Variants in TMTC2 observed in about 807,000 individuals in gnomAD.
TMTC2 encodes protein O-mannosyl-transferase TMTC2.
A neutral mutation model predicts 82.4 loss-of-function variants in TMTC2; 43 were observed. The observed-to-expected ratio is 0.52, with a 90% confidence interval of 0.41 to 0.67. The LOEUF (loss-of-function observed/expected upper bound fraction) is 0.67. Ranked by LOEUF, TMTC2 falls within the 30% of genes least tolerant of loss-of-function variation. The pLI, the probability that TMTC2 is intolerant of heterozygous loss-of-function variation, is 0.00. For synonymous variants in TMTC2, 408 were observed against 381.9 expected, an observed-to-expected ratio of 1.07 and a Z score of -0.80; for missense variants, 919 against 1,012.4, an observed-to-expected ratio of 0.91 and a Z score of 1.25.
chr12:82,967,262 T>G (rs1878253765), intron 7 of TMTC2, among the ~76,000 whole-genome samples: 1 of 152,116 alleles, frequency 6.6e-6, no homozygotes, highest in African/African-American at 2.4e-5. Flanking sequence ...GTATGGAATA[T>G]TAGCTAGACT....
chr12:82,838,031 C>T (rs142567101), intron 1 of TMTC2, among the ~76,000 whole-genome samples: 3 of 152,288 alleles, frequency 2.0e-5, no homozygotes, highest in African/African-American at 7.2e-5. Context: ...TGTGAGAACA[C>T]ATAATGTATA....
At position 83,037,289 on chromosome 12, in the gene TMTC2, T is replaced by C. The variant is rs536334344; in HGVS notation, c.2152+6410T>C. Reference sequence around the variant, plus strand: ...AATTGGTGAGTGGCCTGTATTATTTTTTATTATTCATAACTAAAGCTACTT... The same window carrying C: ...AATTGGTGAGTGGCCTGTATTATTTCTTATTATTCATAACTAAAGCTACTT... On this transcript the variant is annotated intron_variant, in intron 9 of 11. Coordinates refer to ENST00000321196, the MANE Select transcript of TMTC2 (RefSeq NM_152588.3). Among the ~76,000 whole-genome samples, 6 of 152,330 alleles carry C rather than the reference T, an allele frequency of 3.9e-5. No individual in the cohort carries two copies. The East Asian group carries it at 1.2e-3, about 29-fold the overall frequency.
chr12:82,957,158 A>G (rs971124558), intron 4 of TMTC2, among the ~76,000 whole-genome samples: 13 of 152,236 alleles, frequency 8.5e-5, no homozygotes, highest in Admixed American at 4.6e-4. Context: ...TAAATTAAAA[A>G]CAAAACTGAA....
chr12:82,742,958 G>A (rs916228024), intron 1 of TMTC2, among the ~76,000 whole-genome samples: 2 of 152,154 alleles, frequency 1.3e-5, no homozygotes, highest in African/African-American at 4.8e-5. Flanking sequence ...TTTCTACGTA[G>A]ACAGTTGCCT....
At chr12:82,809,553 ATATAAG>A (rs1203932741) in intron 1 of TMTC2, among the ~76,000 whole-genome samples, 3 of 152,298 alleles carry the variant, frequency 2.0e-5, no homozygotes, top group East Asian at 1.9e-4. Flanking sequence ...AACATACAGT[ATATAAG>A]TATGTCTACA....
intron 1 of TMTC2, among the ~76,000 whole-genome samples, chr12:82,754,246 A>G (rs1415381005): frequency 2.6e-5 from 4 of 152,206 alleles, no homozygotes; most frequent in Non-Finnish European, 4.4e-5. Flanking sequence ...TTTCATATCA[A>G]TAGTTTAATT....
intron 11 of TMTC2, among the ~76,000 whole-genome samples, chr12:83,131,942 C>T (rs1885266844): frequency 6.6e-6 from 1 of 152,094 alleles, no homozygotes; most frequent in South Asian, 2.1e-4. Flanking sequence ...TTTAGATCTT[C>T]ATATGTTACC....
chr12:82,693,968 CAAAAAAAAAAAA>C lies in TMTC2; in HGVS notation c.83+6311_83+6322del, dbSNP rs1005660355. Among the ~76,000 whole-genome samples the C allele has an allele frequency of 9.6e-5, 4 of 41,454 alleles. No homozygotes were observed. In the East Asian group the frequency reaches 2.9e-3, roughly 30 times the overall value. 27.2% of individuals were successfully genotyped at this position (41,454 alleles called of 152,430 possible). A position where few individuals can be genotyped will look rare whatever the true frequency, so the allele number is the denominator to read the frequency against. Reference sequence around the variant, plus strand: ...GGTCAACAAGAGTGAAACTCCATCTCAAAAAAAAAAAAAAAAAAAAAAAGGTGTAAATGTTTG... The same window carrying C: ...GGTCAACAAGAGTGAAACTCCATCTCAAAAAAAAAAAGGTGTAAATGTTTG... On this transcript the variant is annotated intron_variant, in intron 1 of 11. Transcript: ENST00000321196.
intron 9 of TMTC2, among the ~76,000 whole-genome samples, chr12:83,033,488 C>A (rs1249772232): frequency 6.6e-6 from 1 of 152,150 alleles, no homozygotes; most frequent in South Asian, 2.1e-4. Context: ...CACGGCGGCT[C>A]ACGCCTGCAA....
chr12:82,752,409 T>C (rs189774991), intron 1 of TMTC2, among the ~76,000 whole-genome samples: 1 of 151,880 alleles, frequency 6.6e-6, no homozygotes, highest in Admixed American at 6.6e-5. Flanking sequence ...TCACTTGAAC[T>C]TGGGAGGCAG....
At chr12:82,973,205 G>C (rs79855217) in intron 7 of TMTC2, among the ~76,000 whole-genome samples, 375 of 152,176 alleles carry the variant, frequency 2.5e-3, no homozygotes, top group Admixed American at 3.9e-3. Flanking sequence ...TGGCACTCTT[G>C]AAAATCAATG....
chr12:82,746,262 C>T (rs1875685070), intron 1 of TMTC2, among the ~76,000 whole-genome samples: 1 of 152,172 alleles, frequency 6.6e-6, no homozygotes, highest in African/African-American at 2.4e-5. Flanking sequence ...TGTATTGAGA[C>T]AACTAACATC....
intron 9 of TMTC2, among the ~76,000 whole-genome samples, chr12:83,047,662 A>G (rs528159753): frequency 3.9e-5 from 6 of 152,344 alleles, no homozygotes; most frequent in African/African-American, 1.4e-4. Flanking sequence ...AATATGGTGA[A>G]TGAATTTTGC....
rs1874093648 is a variant in TMTC2, at chr12:82,719,530, T to C, written c.83+31861T>C. 2.6e-5 allele frequency among the ~76,000 whole-genome samples: 4 copies of C among 152,332 alleles called. No individual in the cohort carries two copies. In the South Asian group the frequency reaches 8.3e-4, roughly 32 times the overall value. ...ATGGTAGACTCTTGGGAAATAGTTA[T>C]TAGTGAATAAGTGAAAATATCATGC... On this transcript the variant is annotated intron_variant, in intron 1 of 11. Transcript: ENST00000321196.
At chr12:82,841,235 A>G (rs1870317427) in intron 1 of TMTC2, among the ~76,000 whole-genome samples, 1 of 152,230 alleles carries the variant, frequency 6.6e-6, no homozygotes, top group Non-Finnish European at 1.5e-5. Context: ...GCTACAGAAT[A>G]AAACGTGTTA....
intron 1 of TMTC2, among the ~76,000 whole-genome samples, chr12:82,699,824 C>T (rs567317442): frequency 6.6e-6 from 1 of 152,120 alleles, no homozygotes; most frequent in Non-Finnish European, 1.5e-5. Context: ...ACTATTATAG[C>T]CAGCCCTCCA....
intron 8 of TMTC2, among the ~76,000 whole-genome samples, chr12:83,027,472 A>G (rs1334889889): frequency 1.3e-5 from 2 of 152,174 alleles, no homozygotes; most frequent in Non-Finnish European, 2.9e-5. Flanking sequence ...GGTCCTTGAA[A>G]TAACATTGTT....
intron 1 of TMTC2, among the ~76,000 whole-genome samples, chr12:82,710,241 C>T (rs1020227681): frequency 1.3e-5 from 2 of 152,210 alleles, no homozygotes; most frequent in Non-Finnish European, 2.9e-5. Flanking sequence ...CAGTTCCTCT[C>T]TGGTGGGGGT....
intron 11 of TMTC2, among the ~76,000 whole-genome samples, chr12:83,068,304 ATATG>A (rs1882990833): frequency 6.6e-6 from 1 of 152,174 alleles, no homozygotes; most frequent in Non-Finnish European, 1.5e-5. Flanking sequence ...TCCCACCTAT[ATATG>A]TATGTTCTAA....
Sources: allele counts gnomAD v4.1 joint callset (sites outside exome capture counted in the v4.1 genomes callset), GRCh38; gene constraint gnomAD v4.1.1; transcripts MANE v1.5; gene names NCBI Gene and HGNC (gene_info 2026-07-23, HGNC 2026-07-21).